The following SV2C variants were observed in gnomAD, a reference collection of about 807,000 sequenced individuals.
The protein encoded by SV2C is synaptic vesicle glycoprotein 2C, also known as solute carrier family 22 member B3.
Under a neutral mutation model 79.7 loss-of-function variants are expected in SV2C, and 49 were observed. That is an observed-to-expected ratio of 0.61 (90% CI 0.49 to 0.78). The LOEUF (loss-of-function observed/expected upper bound fraction) is 0.78, where lower values mean the gene tolerates loss of function less well. Among genes scored for constraint, SV2C ranks in the 30% least tolerant of loss-of-function variants. SV2C has a pLI of 0.00. For missense variants in SV2C, 833 were observed against 912.9 expected, an observed-to-expected ratio of 0.91 and a Z score of 1.13; for synonymous variants, 334 against 333.2, an observed-to-expected ratio of 1.00 and a Z score of -0.03.
chr5:76,206,747 G>T (rs1457676450), intron 3 of SV2C, among the ~76,000 whole-genome samples: 4 of 152,174 alleles, frequency 2.6e-5, no homozygotes, highest in African/African-American at 9.7e-5. Context: ...GGTTTATGGG[G>T]TGTGAAACAC....
chr5:76,104,906 T>C (rs1378977093), intron 1 of SV2C, among the ~76,000 whole-genome samples: 1 of 152,204 alleles, frequency 6.6e-6, no homozygotes, highest in Non-Finnish European at 1.5e-5. Flanking sequence ...GGCAGTTTCT[T>C]CCTATTTCAG....
chr5:76,270,392 G>C lies in SV2C; in HGVS notation c.914-14770G>C, dbSNP rs1320002101. On this transcript the variant is annotated intron_variant, in intron 4 of 12. Transcript: ENST00000502798. ...CGTTCCTGTCTGACTGTAGTGAGAT[G>C]AATCATTAGAAGTGTAATCACAGCC... 2.6e-5 allele frequency among the ~76,000 whole-genome samples: 4 copies of C among 152,322 alleles called. No homozygotes were observed. In the East Asian group the frequency reaches 7.7e-4, roughly 29 times the overall value.
intron 2 of SV2C, among the ~76,000 whole-genome samples, chr5:76,179,149 T>C (rs1743638408): frequency 6.6e-6 from 1 of 152,184 alleles, no homozygotes; most frequent in African/African-American, 2.4e-5. Context: ...CAAACTATAG[T>C]AGTCTGGGTG....
intron 4 of SV2C, among the ~76,000 whole-genome samples, chr5:76,248,713 A>G (rs1847060): frequency 0.51 from 77,564 of 151,008 alleles, 20,588 homozygotes; most frequent in African/African-American, 0.64. Context: ...CCACCTCCTG[A>G]GTCCAAGTCA....
At chr5:76,230,803 GA>G (rs1306277152) in intron 4 of SV2C, among the ~76,000 whole-genome samples, 54 of 122,258 alleles carry the variant, frequency 4.4e-4, no homozygotes, top group African/African-American at 2.9e-3. Context: ...GAAAAAAAAA[GA>G]AAAGAAAAGA....
chr5:76,033,116 T>C, the SV2C span, among the ~76,000 whole-genome samples: 1 of 152,164 alleles, frequency 6.6e-6, no homozygotes, highest in African/African-American at 2.4e-5. Context: ...CTTGTAAATT[T>C]GTTTGAGTTC....
intron 1 of SV2C, among the ~76,000 whole-genome samples, chr5:76,118,521 T>A (rs1347162666): frequency 6.6e-6 from 1 of 152,164 alleles, no homozygotes; most frequent in African/African-American, 2.4e-5. Flanking sequence ...ACTTCACCAA[T>A]AATCAAATGT....
At chr5:76,137,061 C>T (rs558672408) in intron 2 of SV2C, among the ~76,000 whole-genome samples, 1 of 152,280 alleles carries the variant, frequency 6.6e-6, no homozygotes, top group South Asian at 2.1e-4. Context: ...ACTTGTGTGA[C>T]CATTTGCAAG....
chr5:76,087,462 T>C (rs1747235860), intron 1 of SV2C, among the ~76,000 whole-genome samples: 1 of 152,208 alleles, frequency 6.6e-6, no homozygotes, highest in Admixed American at 6.5e-5. Flanking sequence ...GAGCTTTCTC[T>C]TATCATTTTC....
the SV2C span, among the ~76,000 whole-genome samples, chr5:75,901,907 A>G: frequency 2.2e-3 from 329 of 152,266 alleles, no homozygotes; most frequent in African/African-American, 7.6e-3. Flanking sequence ...GCGGGATATA[A>G]TCTTCTGGTG....
the SV2C span, among the ~76,000 whole-genome samples, chr5:75,955,040 A>T: frequency 0.017 from 2,121 of 121,998 alleles, no homozygotes; most frequent in South Asian, 0.023. Flanking sequence ...ATTGGAAAAA[A>T]CTACTTTAAA....
intron 2 of SV2C, among the ~76,000 whole-genome samples, chr5:76,154,372 T>C (rs1742658532): frequency 1.3e-5 from 2 of 152,202 alleles, no homozygotes; most frequent in Admixed American, 1.3e-4. Flanking sequence ...TAAGGGAAGA[T>C]GATGACCACT....
At chr5:76,290,166 T>C (rs1747510042) in intron 6 of SV2C, among the ~76,000 whole-genome samples, 1 of 152,224 alleles carries the variant, frequency 6.6e-6, no homozygotes, top group South Asian at 2.1e-4. Context: ...TTGCATTTGA[T>C]TTGGAATTCC....
At chr5:76,039,999 G>C in the SV2C span, among the ~76,000 whole-genome samples, 433 of 152,090 alleles carry the variant, frequency 2.8e-3, 3 homozygotes, top group African/African-American at 9.9e-3. Flanking sequence ...AATAGTAATG[G>C]CATCTTTTAT....
At chr5:76,055,187 G>C in the SV2C span, among the ~76,000 whole-genome samples, 4 of 152,170 alleles carry the variant, frequency 2.6e-5, no homozygotes, top group African/African-American at 4.8e-5. Context: ...AAGGTGTAAG[G>C]AAGGGGTCCA....
chr5:75,869,411 G>T, the SV2C span, among the ~76,000 whole-genome samples: 1 of 152,192 alleles, frequency 6.6e-6, no homozygotes, highest in Non-Finnish European at 1.5e-5. Flanking sequence ...ACAGGGTGAG[G>T]CTCATCTGCC....
chr5:76,222,878 T>C (rs1745108669), intron 4 of SV2C, among the ~76,000 whole-genome samples: 1 of 152,248 alleles, frequency 6.6e-6, no homozygotes, highest in African/African-American at 2.4e-5. Flanking sequence ...CATAGAAATT[T>C]GGTCATTCCC....
At chr5:76,084,941 G>T (rs1377741086) in intron 1 of SV2C, among the ~76,000 whole-genome samples, 5 of 152,112 alleles carry the variant, frequency 3.3e-5, no homozygotes, top group Non-Finnish European at 5.9e-5. Context: ...CAGCTACCGG[G>T]CGCTCCCCGG....
At chr5:76,161,432 T>G (rs1351372733) in intron 2 of SV2C, among the ~76,000 whole-genome samples, 1 of 152,090 alleles carries the variant, frequency 6.6e-6, no homozygotes, top group Non-Finnish European at 1.5e-5. Flanking sequence ...TTTTCTTCTC[T>G]CTCTGTCACG....
Sources: gnomAD v4.1 joint callset for allele counts (sites outside exome capture counted in the v4.1 genomes callset) on GRCh38, gnomAD v4.1.1 for gene constraint, MANE v1.5 for transcripts, NCBI Gene and HGNC (gene_info 2026-07-23, HGNC 2026-07-21) for gene names.